The following RPS6KA2 variants were observed in gnomAD, a reference collection of about 807,000 sequenced individuals.
RPS6KA2 encodes the protein ribosomal protein S6 kinase A2.
In RPS6KA2, 42 loss-of-function variants were observed where a neutral mutation model predicts 91.8. That is an observed-to-expected ratio of 0.46 (90% CI 0.36 to 0.59). RPS6KA2 has a LOEUF of 0.59. RPS6KA2 is among the 20% of genes least tolerant of loss of function. RPS6KA2 has a pLI of 0.00. For synonymous variants in RPS6KA2, 414 were observed against 393.6 expected, an observed-to-expected ratio of 1.05 and a Z score of -0.61; for missense variants, 798 against 978.5, an observed-to-expected ratio of 0.82 and a Z score of 2.46.
In RPS6KA2 at chr6:166,770,778, T is replaced by C; in HGVS notation, c.123+87422A>G. ...GGCACCGTGAAACAACTCAATAAAT[T>C]GAAAAAGACTTCATGTTTAACTTAA... On this transcript the variant is annotated intron_variant, in intron 2 of 21. Coordinates refer to the RPS6KA2 transcript ENST00000503859. This position sits in a 1 kb window ranked among gnomAD's most constrained non-coding sequence, Gnocchi z 5.1. 1 of 1,335,910 alleles carries C rather than the reference T, an allele frequency of 7.5e-7. No homozygotes were observed. The highest frequency in any genetic ancestry group is 1.0e-6 in the Non-Finnish European group (1 of 971,166). 82.8% of individuals were successfully genotyped at this position (1,335,910 alleles called of 1,614,324 possible).
intron 1 of RPS6KA2, among the ~76,000 whole-genome samples, chr6:166,592,153 G>T (rs1365059125): frequency 3.3e-5 from 5 of 152,232 alleles, no homozygotes; most frequent in Non-Finnish European, 5.9e-5. Flanking sequence ...AGCAGAAAGA[G>T]AAAGACTTCT....
chr6:166,504,640 C>CA (rs775800603), intron 5 of RPS6KA2, 28 bp from the exon 6 acceptor site: 21 of 1,481,320 alleles, frequency 1.4e-5, no homozygotes, highest in East Asian at 2.3e-5. Flanking sequence ...AAAACAAAAA[C>CA]AAAAAACGTT....
At chr6:166,787,001 A>G (rs1273568052) in intron 2 of RPS6KA2, among the ~76,000 whole-genome samples, 1 of 152,222 alleles carries the variant, frequency 6.6e-6, no homozygotes, top group African/African-American at 2.4e-5. Flanking sequence ...CGTGGTAGAC[A>G]CAGCTATGTC....
intron 3 of RPS6KA2, among the ~76,000 whole-genome samples, chr6:166,524,516 C>G (rs773242028): frequency 4.6e-5 from 7 of 152,166 alleles, no homozygotes; most frequent in Non-Finnish European, 7.3e-5. Flanking sequence ...GGTATTACAG[C>G]TGAACCAAGA....
chr6:166,858,093 A>G, intron 2 of RPS6KA2: 1 of 772,082 alleles, frequency 1.3e-6, no homozygotes, highest in East Asian at 2.4e-5. Flanking sequence ...TGTCACTAAA[A>G]TAACTGCTCA....
Position 166,498,607 on chromosome 6 carries a change from C to T in RPS6KA2, c.648G>A (p.Ala216=), listed in dbSNP as rs145456765. The change falls in exon 8 of 21, where the codon GCG becomes GCA. Residue 216 remains alanine (A), a synonymous_variant. Coordinates refer to ENST00000265678, the MANE Select transcript of RPS6KA2 (RefSeq NM_021135.6). ...ACTCGATCGTCCCGCAGAAGGAGTA[C>T]GCTCTCTTGTCGTGGTCAATGGCCT... ...SKEAIDHDKR[A]YSFCGTIEYM... The T allele has an allele frequency of 1.0e-4, 169 of 1,613,962 alleles. 1 individual carries two copies. The highest frequency in any genetic ancestry group is 8.3e-4 in the Middle Eastern group (5 of 6,058).
At position 166,518,504 on chromosome 6, in the gene RPS6KA2, C is replaced by G. The variant is rs888480322; in HGVS notation, c.299-8147G>C. On this transcript the variant is annotated intron_variant, in intron 3 of 20. Transcript: ENST00000265678. ...CCAAAATAAATACAATACCCAAATA[C>G]TATCATTATGCTTATAATAATAAAC... is the stretch of plus-strand genomic sequence containing the variant. Among the ~76,000 whole-genome samples the G allele has an allele frequency of 1.9e-4, 29 of 152,222 alleles. 1 individual carries two copies. Among genetic ancestry groups the G allele is most frequent in the Admixed American group, 1.9e-3 (29 of 15,294 alleles).
intron 2 of RPS6KA2, among the ~76,000 whole-genome samples, chr6:166,638,489 G>A (rs1259197780): frequency 1.3e-5 from 2 of 152,216 alleles, no homozygotes; most frequent in African/African-American, 4.8e-5. Flanking sequence ...ACATATAGCT[G>A]AGCACGTGTA....
At chr6:166,510,548 C>T (rs1238373350) in intron 3 of RPS6KA2, among the ~76,000 whole-genome samples, 191 bp from the exon 4 acceptor site, 9 of 86,654 alleles carry the variant, frequency 1.0e-4, no homozygotes. Flanking sequence ...TTTGCTTTCT[C>T]TCTCTCATAT....
At chr6:166,529,434 T>C (rs11970162) in intron 3 of RPS6KA2, among the ~76,000 whole-genome samples, 28,565 of 151,284 alleles carry the variant, frequency 0.19, 2,886 homozygotes, top group African/African-American at 0.26. Flanking sequence ...GGTGGAGGGA[T>C]GGGGGAGGGA....
At position 166,821,589 on chromosome 6, in the gene RPS6KA2, C is replaced by T. The variant is rs1779905262; in HGVS notation, c.123+36611G>A. On this transcript the variant is annotated intron_variant, in intron 2 of 21. Coordinates refer to the RPS6KA2 transcript ENST00000503859. This position sits in a 1 kb window ranked among gnomAD's most constrained non-coding sequence, Gnocchi z 4.1. ...GGGCCATCCCTCCTCCCACCGTAAC[C>T]ACCTACGCTCCCCTGGGTTTCCTCC... Among the ~76,000 whole-genome samples the T allele has an allele frequency of 6.6e-6, 1 of 152,132 alleles. No individual in the cohort carries two copies. Among genetic ancestry groups the T allele is most frequent in the African/African-American group, 2.4e-5 (1 of 41,426 alleles).
At chr6:166,556,678 C>A (rs1784187519) in intron 1 of RPS6KA2, among the ~76,000 whole-genome samples, 2 of 152,178 alleles carry the variant, frequency 1.3e-5, no homozygotes, top group South Asian at 4.1e-4. Context: ...TCCTTTCCCA[C>A]CACAATAATA....
At chr6:166,664,412 T>G (rs1011351892) in intron 2 of RPS6KA2, among the ~76,000 whole-genome samples, 20 of 152,254 alleles carry the variant, frequency 1.3e-4, no homozygotes, top group Admixed American at 5.2e-4. Context: ...CGCATTTTCT[T>G]GGAACCACTC....
chr6:166,591,258 C>A (rs1162911720), intron 1 of RPS6KA2, among the ~76,000 whole-genome samples: 6 of 152,126 alleles, frequency 3.9e-5, no homozygotes, highest in Non-Finnish European at 8.8e-5. Context: ...CATCATTCAA[C>A]GCGACCAACA....
intron 16 of RPS6KA2, among the ~76,000 whole-genome samples, chr6:166,428,851 G>C (rs1374081660): frequency 1.3e-5 from 2 of 151,140 alleles, no homozygotes; most frequent in East Asian, 2.0e-4. Flanking sequence ...CTGTAAACTA[G>C]TTCAACCATT....
At position 166,662,440 on chromosome 6, in the gene RPS6KA2, G is replaced by A. The variant is rs993943490; in HGVS notation, c.124-123656C>T. On this transcript the variant is annotated intron_variant, in intron 2 of 21. Coordinates refer to the RPS6KA2 transcript ENST00000503859. The surrounding 1 kb of genome is among the most constrained non-coding windows in gnomAD (Gnocchi z 4.3). ...GACACTTTAGATATCTGCTTTCTTT[G>A]GGGACGTAAGAACAGCTCTGCTTGC... Among the ~76,000 whole-genome samples, 1 of 152,122 alleles carries A rather than the reference G, an allele frequency of 6.6e-6. No homozygotes were observed. The highest frequency in any genetic ancestry group is 1.5e-5 in the Non-Finnish European group (1 of 68,018).
chr6:166,517,450 G>GTTTTT (rs1562550709), intron 3 of RPS6KA2, among the ~76,000 whole-genome samples: 1 of 83,800 alleles, frequency 1.2e-5, no homozygotes, highest in African/African-American at 6.7e-5. Flanking sequence ...GCGTTCTTTT[G>GTTTTT]TTTTGTTTTT....
At chr6:166,583,851 T>C (rs932923488) in intron 1 of RPS6KA2, among the ~76,000 whole-genome samples, 1 of 152,212 alleles carries the variant, frequency 6.6e-6, no homozygotes, top group Admixed American at 6.5e-5. Context: ...TTTACTTCCA[T>C]GGGTTCTATC....
intron 19 of RPS6KA2, among the ~76,000 whole-genome samples, chr6:166,416,770 CCAT>C (rs1220372143): frequency 6.6e-6 from 1 of 151,872 alleles, no homozygotes; most frequent in Non-Finnish European, 1.5e-5. Context: ...ATTATCTCCA[CCAT>C]CATTTCCACA....
Sources: allele counts gnomAD v4.1 joint callset (sites outside exome capture counted in the v4.1 genomes callset), GRCh38; gene constraint gnomAD v4.1.1; non-coding constraint Gnocchi (gnomAD v3.1); transcripts MANE v1.5; gene names NCBI Gene and HGNC (gene_info 2026-07-23, HGNC 2026-07-21).